Variants in KIF26A observed in about 807,000 individuals in gnomAD.
KIF26A encodes kinesin-like protein KIF26A.
KIF26A carries 74 observed loss-of-function variants against 126.0 expected under a neutral mutation model. That is an observed-to-expected ratio of 0.59 (90% CI 0.49 to 0.71). The LOEUF is 0.71. Ranked by LOEUF, KIF26A falls within the 30% of genes least tolerant of loss-of-function variation. The probability of loss-of-function intolerance (pLI) is 0.00; values close to 1 mark genes in which losing one functional copy is unlikely to be tolerated. For synonymous variants in KIF26A, 1,445 were observed against 1,232.7 expected (o/e 1.17, Z -3.61); for missense variants, 2,984 against 2,763.3 (o/e 1.08, Z -1.79).
rs533811829 is a variant in KIF26A at position 104,168,771 on chromosome 14, G to A, written c.1113+1723G>A. Among the ~76,000 whole-genome samples the A allele has an allele frequency of 2.2e-4, 34 of 152,336 alleles. 1 individual carries two copies. Among genetic ancestry groups the A allele is most frequent in the Middle Eastern group, 3.4e-3 (1 of 294 alleles). On this transcript the variant is annotated intron_variant, in intron 5 of 14. Coordinates refer to ENST00000423312, the MANE Select transcript of KIF26A (RefSeq NM_015656.2). ...CCGGAGGCGACATTCTGCATCCAAG[G>A]CCCGGGGGCAGGGGAAGCTGTGTGG...
chr14:104,138,631 G>T lies in KIF26A; in HGVS notation c.-92G>T. On this transcript the variant is annotated 5_prime_UTR_variant, in exon 1 of 15. Transcript: ENST00000423312. ...TTCCGAGCGGCTGGGCCGGGCCATG[G>T]GGGCGCCTCGGGGCCGGATCACGTA... 6.8e-6 allele frequency: 7 copies of T among 1,033,894 alleles called. No homozygotes were observed. Among genetic ancestry groups the T allele is most frequent in the Non-Finnish European group, 8.6e-6 (7 of 816,818 alleles). 64.0% of individuals were successfully genotyped at this position (1,033,894 alleles called of 1,614,324 possible).
chr14:104,157,724 T>C (rs1326533408), intron 3 of KIF26A, 31 bp from the exon 4 acceptor site: 4 of 1,598,596 alleles, frequency 2.5e-6, no homozygotes, highest in Non-Finnish European at 3.4e-6. Context: ...TGCCCTTGCG[T>C]TCCTTATACG....
At chr14:104,162,608 C>T (rs1479035288) in intron 4 of KIF26A, among the ~76,000 whole-genome samples, 2 of 152,258 alleles carry the variant, frequency 1.3e-5, no homozygotes, top group East Asian at 1.9e-4. Flanking sequence ...GTGTGGGTGC[C>T]GATGCCCTAT....
chr14:104,148,477 A>C lies in KIF26A; in HGVS notation c.289-3538A>C, dbSNP rs2141092262. Among the ~76,000 whole-genome samples the C allele has an allele frequency of 6.6e-6, 1 of 152,148 alleles. No individual in the cohort carries two copies. The highest frequency in any genetic ancestry group is 1.5e-5 in the Non-Finnish European group (1 of 67,994). ...TGCTGGCTGGGGCTTTGAGGAGTTC[A>C]GATTCCTGAAATTGGGGGGCAGTAA... On this transcript the variant is annotated intron_variant, in intron 2 of 14. Transcript: ENST00000423312. The surrounding 1 kb of genome is among the most constrained non-coding windows in gnomAD (Gnocchi z 4.3).
At position 104,173,801 on chromosome 14, in the gene KIF26A, C is replaced by T; in HGVS notation, c.1963C>T (p.Leu655=). ...GGAGGCTGCTGGGGGTCCCCTGTGT[C>T]TGTCCCTGTCGGCCCTGGGCAGCGT... is the stretch of plus-strand genomic sequence containing the variant. The part of the protein sequence containing the change: ...AGEAAGGPLC[L]SLSALGSVIL... The change falls in exon 10 of 15, where the codon CTG becomes TTG. Residue 655 remains leucine, a synonymous_variant. Transcript: ENST00000423312. 6.2e-7 allele frequency: 1 copy of T among 1,605,256 alleles called. No homozygotes were observed.
At position 104,172,767 on chromosome 14, in the gene KIF26A, G is replaced by C. The variant is rs2037972572; in HGVS notation, c.1420+99G>C. On this transcript the variant is annotated intron_variant, in intron 7 of 14. Coordinates refer to ENST00000423312, the MANE Select transcript of KIF26A (RefSeq NM_015656.2). ...CAGCTTCTGATGGGAAAGGAGGCTGGTCCTACACATGGGCCGTGGTGGGCA... is the reference window on the plus strand; with the variant it reads ...CAGCTTCTGATGGGAAAGGAGGCTGCTCCTACACATGGGCCGTGGTGGGCA... 15 of 1,125,398 alleles carry C rather than the reference G, an allele frequency of 1.3e-5. No homozygotes were observed. The South Asian group carries it at 2.2e-4, about 16-fold the overall frequency. The allele number at this position is 1,125,398 out of a possible 1,614,324, so 69.7% of individuals were successfully genotyped here.
chr14:104,157,899 G>T lies in KIF26A; in HGVS notation c.880G>T (p.Gly294Trp), dbSNP rs199886466. ...GGTCACCCCCACCCCGGGCTCGGTG[G>T]GGGGCTCCACAGGCCCCTCAGCTGC... is the stretch of plus-strand genomic sequence containing the variant. ...ALVTPTPGSV[G>W]GSTGPSAAAS... The change falls in exon 4 of 15, where the codon GGG (glycine) becomes TGG (tryptophan). Residue 294 changes from glycine (G) to tryptophan (W), a missense_variant. Physicochemically the swap from Gly to Trp is radical, Grantham distance 184. Coordinates refer to ENST00000423312, the MANE Select transcript of KIF26A (RefSeq NM_015656.2). The T allele has an allele frequency of 4.5e-6, 7 of 1,564,612 alleles. No individual in the cohort carries two copies. The South Asian group carries it at 7.0e-5, about 16-fold the overall frequency.
In KIF26A at chr14:104,139,225, G is replaced by A; in HGVS notation, c.225G>A (p.Thr75=). The change falls in exon 2 of 15, where the codon ACG becomes ACA. Residue 75 remains threonine (T), a synonymous_variant. Transcript: ENST00000423312. The stretch of plus-strand genomic sequence containing the variant: ...GCGGCTGGTGCCGCCACTGCCACAC[G>A]AAGCTGGTGGAGCTCAAGCGACAGG... ...GGGGWCRHCH[T]KLVELKRQAW... is the part of the protein sequence containing the mutation. 6.4e-7 allele frequency: 1 copy of A among 1,556,850 alleles called. No homozygotes were observed. The highest frequency in any genetic ancestry group is 8.7e-7 in the Non-Finnish European group (1 of 1,152,596).
Position 104,175,731 on chromosome 14 carries a change from C to T in KIF26A, c.2943C>T (p.Pro981=), listed in dbSNP as rs372182645. The stretch of plus-strand genomic sequence containing the variant: ...CTGATGGAGTGGCACGGACCCCTCC[C>T]GTGGGCATGAGTGGGCAGGTGGCTG... The part of the protein sequence containing the change: ...GGTDGVARTP[P]VGMSGQVAGS... Residue 981 remains proline (P), a synonymous_variant, in exon 12 of 15, where the codon CCC becomes CCT. Transcript: ENST00000423312. The T allele has an allele frequency of 1.3e-4, 196 of 1,566,422 alleles. No individual in the cohort carries two copies. The African/African-American group carries it at 2.0e-3, about 16-fold the overall frequency.
chr14:104,160,825 C>T (rs1048277281), intron 4 of KIF26A, among the ~76,000 whole-genome samples: 5 of 152,196 alleles, frequency 3.3e-5, no homozygotes, highest in African/African-American at 1.2e-4. Context: ...CTCCAAGACC[C>T]CAAATCAAAT....
intron 5 of KIF26A, among the ~76,000 whole-genome samples, chr14:104,170,100 G>A (rs556607486): frequency 3.0e-4 from 45 of 152,308 alleles, no homozygotes; most frequent in Admixed American, 1.2e-3. Context: ...GCCGGCAGAC[G>A]TAGAGAGCCA....
chr14:104,138,739 T>C lies in KIF26A; in HGVS notation c.17T>C (p.Val6Ala). ...GCCCCGGCCATGGTCGGCCGCGGCG[T>C]CCCTCTGTGCGCTGCGCAGCCCGCG... MVGRG[V>A]PLCAAQPAVA... Residue 6 changes from valine to alanine, a missense_variant, in exon 1 of 15, where the codon GTC becomes GCC. Coordinates refer to ENST00000423312, the MANE Select transcript of KIF26A (RefSeq NM_015656.2). 1 of 1,269,208 alleles carries C rather than the reference T, an allele frequency of 7.9e-7. No homozygotes were observed. The highest frequency in any genetic ancestry group is 9.9e-7 in the Non-Finnish European group (1 of 1,009,690). 78.6% of individuals were successfully genotyped at this position (1,269,208 alleles called of 1,614,324 possible).
At position 104,139,316 on chromosome 14, in the gene KIF26A, C is replaced by T; in HGVS notation, c.288+28C>T. 2.1e-6 allele frequency: 3 copies of T among 1,422,394 alleles called. 1 individual carries two copies. The South Asian group carries it at 4.6e-5, about 22-fold the overall frequency. The allele number at this position is 1,422,394 out of a possible 1,614,324, so 88.1% of individuals were successfully genotyped here. On this transcript the variant is annotated intron_variant, in intron 2 of 14. Coordinates refer to ENST00000423312, the MANE Select transcript of KIF26A (RefSeq NM_015656.2). ...AAGTGACACTTCCTTAGGCCGACCC[C>T]TCCGAGCAGGGCCACGCCGAACTTG...
At chr14:104,166,186 C>CACAGGAGCA (rs57861406) in intron 4 of KIF26A, among the ~76,000 whole-genome samples, 1 of 145,542 alleles carries the variant, frequency 6.9e-6, no homozygotes, top group African/African-American at 2.8e-5. Flanking sequence ...TGGCAGGGGC[C>CACAGGAGCA]CAGGAGCTGG....
At chr14:104,171,634 T>C in intron 5 of KIF26A, 89 bp from the exon 6 acceptor site, 1 of 1,151,152 alleles carries the variant, frequency 8.7e-7, no homozygotes, top group Non-Finnish European at 1.2e-6. Flanking sequence ...TGGCCCGCTG[T>C]CCCCACCTGA....
At chr14:104,161,701 A>C (rs1442533486) in intron 4 of KIF26A, among the ~76,000 whole-genome samples, 1 of 152,196 alleles carries the variant, frequency 6.6e-6, no homozygotes, top group South Asian at 2.1e-4. Flanking sequence ...TGGCAGGGAC[A>C]TAGCTGTGTA....
At chr14:104,142,610 T>C (rs2037647198) in intron 2 of KIF26A, among the ~76,000 whole-genome samples, 1 of 152,180 alleles carries the variant, frequency 6.6e-6, no homozygotes, top group Non-Finnish European at 1.5e-5. Context: ...GAGATGTCCC[T>C]GTGGGAGGTT....
At chr14:104,172,780 G>T (rs577881006) in intron 7 of KIF26A, 112 bp downstream of exon 7, 5 of 1,067,980 alleles carry the variant, frequency 4.7e-6, no homozygotes, top group Admixed American at 4.9e-5. Context: ...CTACACATGG[G>T]CCGTGGTGGG....
rs1223743728 is a variant in KIF26A, at chr14:104,139,126, G to C, written c.126G>C (p.Gln42His). 3.0e-5 allele frequency: 45 copies of C among 1,508,642 alleles called. No individual in the cohort carries two copies. Among genetic ancestry groups the C allele is most frequent in the Non-Finnish European group, 3.7e-5 (42 of 1,129,356 alleles). The allele number at this position is 1,508,642 out of a possible 1,614,324, so 93.5% of individuals were successfully genotyped here. A position where few individuals can be genotyped will look rare whatever the true frequency, so the allele number is the denominator to read the frequency against. The change falls in exon 2 of 15, where the codon CAG (glutamine) becomes CAC (histidine). Residue 42 changes from glutamine (Q) to histidine (H), a missense_variant. Gln to His is a conservative substitution (Grantham distance 24, BLOSUM62 0). Coordinates refer to ENST00000423312, the MANE Select transcript of KIF26A (RefSeq NM_015656.2). ...PRKRLPAGPD[Q>H]DPCGSRPAPE... ...AGAGGCTACCCGCCGGGCCCGACCA[G>C]GACCCATGCGGCAGCCGCCCTGCTC...
Sources: gnomAD v4.1 joint callset for allele counts (sites outside exome capture counted in the v4.1 genomes callset) on GRCh38, gnomAD v4.1.1 for gene constraint, Gnocchi (gnomAD v3.1) non-coding constraint, MANE v1.5 for transcripts, NCBI Gene and HGNC (gene_info 2026-07-23, HGNC 2026-07-21) for gene names.